Variants in TCF7L2 observed in about 807,000 individuals in gnomAD.
TCF7L2 encodes the protein transcription factor 7-like 2.
TCF7L2 carries 23 observed loss-of-function variants against 77.9 expected under a neutral mutation model. The ratio of observed to expected loss-of-function variants is 0.30; its 90% confidence interval spans 0.21 to 0.42. The LOEUF is 0.42. Among genes scored for constraint, TCF7L2 ranks in the 10% least tolerant of loss-of-function variants. The pLI is 1.00. For missense variants in TCF7L2, 654 were observed against 793.1 expected (o/e 0.82, Z 2.11); for synonymous variants, 413 against 340.2 (o/e 1.21, Z -2.36).
At chr10:113,107,752 T>TAAAAAAAAAAAAAAAAAAA (rs398014821) in intron 5 of TCF7L2, among the ~76,000 whole-genome samples, 42 of 55,254 alleles carry the variant, frequency 7.6e-4, no homozygotes, top group East Asian at 1.1e-3. Flanking sequence ...AGACTCCGTC[T>TAAAAAAAAAAAAAAAAAAA]AAAAAAAAAA....
At chr10:112,983,252 A>G (rs1302787009) in intron 4 of TCF7L2, among the ~76,000 whole-genome samples, 1 of 151,744 alleles carries the variant, frequency 6.6e-6, no homozygotes, top group Non-Finnish European at 1.5e-5. Flanking sequence ...CGGGCAGATC[A>G]TGAGGTCAGG....
chr10:113,006,802 C>CTG (rs2045631293), intron 4 of TCF7L2, among the ~76,000 whole-genome samples: 1 of 152,194 alleles, frequency 6.6e-6, no homozygotes, highest in African/African-American at 2.4e-5. Flanking sequence ...GGGGCAAAGC[C>CTG]CAGGACAGGG....
chr10:113,129,708 GTTCT>G (rs1181057869), intron 5 of TCF7L2: 1 of 1,204,024 alleles, frequency 8.3e-7, no homozygotes, highest in Non-Finnish European at 1.0e-6. Flanking sequence ...CTTTTTTTCA[GTTCT>G]TTAAGTGAAA....
chr10:112,992,616 C>T (rs1183804649), intron 4 of TCF7L2, among the ~76,000 whole-genome samples: 2 of 152,060 alleles, frequency 1.3e-5, no homozygotes, highest in East Asian at 3.9e-4. Flanking sequence ...AAGAGAGAGT[C>T]CTAGGACTCA....
intron 4 of TCF7L2, among the ~76,000 whole-genome samples, chr10:113,023,885 CTT>C (rs1160486286): frequency 1.3e-5 from 2 of 151,630 alleles, no homozygotes; most frequent in East Asian, 4.0e-4. Context: ...GGCCAGGTCT[CTT>C]GACCTTGTGA....
chr10:113,018,974 A>G (rs1188707088), intron 4 of TCF7L2, among the ~76,000 whole-genome samples: 1 of 152,178 alleles, frequency 6.6e-6, no homozygotes, highest in East Asian at 1.9e-4. Context: ...GTGGAAACCC[A>G]AGCAGCGTCC....
At chr10:112,995,496 G>A (rs765419406) in intron 4 of TCF7L2, among the ~76,000 whole-genome samples, 20 of 152,094 alleles carry the variant, frequency 1.3e-4, no homozygotes, top group Non-Finnish European at 1.9e-4. Context: ...AGCGGGAGGC[G>A]TAACTGGGAG....
chr10:113,000,147 G>A (rs2044217987), intron 4 of TCF7L2, among the ~76,000 whole-genome samples: 1 of 152,208 alleles, frequency 6.6e-6, no homozygotes, highest in Non-Finnish European at 1.5e-5. Flanking sequence ...ACCGAATAAT[G>A]CAACCTGGGA....
At chr10:113,112,955 G>A (rs149676865) in intron 5 of TCF7L2, among the ~76,000 whole-genome samples, 2 of 152,180 alleles carry the variant, frequency 1.3e-5, no homozygotes, top group African/African-American at 2.4e-5. Flanking sequence ...TTGTCATTGC[G>A]GTTTATAAAA....
At chr10:112,994,348 G>A (rs1321301925) in intron 4 of TCF7L2, among the ~76,000 whole-genome samples, 2 of 152,154 alleles carry the variant, frequency 1.3e-5, no homozygotes, top group Non-Finnish European at 2.9e-5. Flanking sequence ...GTGTCTGTCT[G>A]CTTTCACTTA....
At chr10:113,120,163 T>C (rs1591965854) in intron 5 of TCF7L2, among the ~76,000 whole-genome samples, 2 of 152,250 alleles carry the variant, frequency 1.3e-5, no homozygotes, top group East Asian at 3.8e-4. Flanking sequence ...TTTGGTTTCA[T>C]GAACTTAAAA....
Position 112,950,493 on chromosome 10 carries a change from C to G in TCF7L2, c.-264C>G. The G allele has an allele frequency of 4.7e-6, 1 of 212,716 alleles. No individual in the cohort carries two copies. Among genetic ancestry groups the G allele is most frequent in the Non-Finnish European group, 8.6e-6 (1 of 116,864 alleles). The allele number at this position is 212,716 out of a possible 1,614,324, so 13.2% of individuals were successfully genotyped here. ...CCCTTTTTTATTTATTATTTTTTTG[C>G]ACATTGATCGGATCCTTGGGAACGA... On this transcript the variant is annotated 5_prime_UTR_variant, in exon 1 of 14. Transcript: ENST00000627217.
chr10:113,004,806 G>A (rs1181580033), intron 4 of TCF7L2, among the ~76,000 whole-genome samples: 1 of 152,056 alleles, frequency 6.6e-6, no homozygotes, highest in Non-Finnish European at 1.5e-5. Flanking sequence ...CTGAGTAGCT[G>A]GGATGTCAGG....
chr10:113,152,378 G>T lies in TCF7L2; in HGVS notation c.1207G>T (p.Ala403Ser), dbSNP rs2137179117. The stretch of plus-strand genomic sequence containing the variant: ...AGAGCAAGCGAAATACTACGAGCTG[G>T]CCCGGAAGGAGCGACAGCTTCATAT... The change falls in exon 11 of 14, where the codon GCC (alanine) becomes TCC (serine). Residue 403 changes from alanine (A) to serine (S), a missense_variant. Ala to Ser is a moderately conservative substitution (Grantham distance 99). Around this residue, in one of 6 missense-constraint regions of TCF7L2, gnomAD observed 31 missense variants for 116.1 expected, o/e 0.27. Coordinates refer to ENST00000627217, the MANE Select transcript of TCF7L2 (RefSeq NM_001146274.2). The T allele has an allele frequency of 6.2e-7, 1 of 1,614,192 alleles. No individual in the cohort carries two copies. The highest frequency in any genetic ancestry group is 1.1e-5 in the South Asian group (1 of 91,084).
At chr10:112,973,621 A>T (rs1589855778) in intron 4 of TCF7L2, among the ~76,000 whole-genome samples, 1 of 151,824 alleles carries the variant, frequency 6.6e-6, no homozygotes, top group African/African-American at 2.4e-5. Context: ...ATGGAGTCTC[A>T]CTCTGTTACC....
intron 5 of TCF7L2, among the ~76,000 whole-genome samples, chr10:113,099,837 A>G (rs765883594): frequency 6.6e-6 from 1 of 152,184 alleles, no homozygotes; most frequent in Admixed American, 6.6e-5. Flanking sequence ...CCCTGGGCAG[A>G]AAGCAGAAAT....
rs539926078 is a variant in TCF7L2, at chr10:113,090,081, G to A, written c.552+49955G>A. On this transcript the variant is annotated intron_variant, in intron 5 of 13. Coordinates refer to ENST00000627217, the MANE Select transcript of TCF7L2 (RefSeq NM_001146274.2). ...AGATGTTGCTCTCCAAGGACAGGAA[G>A]CATTGTTAATTTCCTTTAAATAATT... Among the ~76,000 whole-genome samples, 3 of 152,320 alleles carry A rather than the reference G, an allele frequency of 2.0e-5. No homozygotes were observed. The South Asian group carries it at 6.2e-4, about 32-fold the overall frequency.
At chr10:112,962,822 C>T (rs2035616855) in intron 3 of TCF7L2, among the ~76,000 whole-genome samples, 1 of 152,164 alleles carries the variant, frequency 6.6e-6, no homozygotes, top group African/African-American at 2.4e-5. Flanking sequence ...TGGTCTCAAA[C>T]CTCTGACCTC....
At chr10:113,046,166 T>G (rs2053413985) in intron 5 of TCF7L2, among the ~76,000 whole-genome samples, 2 of 152,182 alleles carry the variant, frequency 1.3e-5, no homozygotes, top group South Asian at 4.1e-4. Context: ...TTTTGAAGTT[T>G]CCTGAGGTTT....
Sources: allele counts gnomAD v4.1 joint callset (sites outside exome capture counted in the v4.1 genomes callset), GRCh38; gene constraint gnomAD v4.1.1; regional missense constraint gnomAD v4.1.1; transcripts MANE v1.5; gene names NCBI Gene and HGNC (gene_info 2026-07-23, HGNC 2026-07-21).